The following MORC2 variants were observed in gnomAD, a reference collection of about 807,000 sequenced individuals.
The protein encoded by MORC2 is ATPase MORC2.
A neutral mutation model predicts 136.0 loss-of-function variants in MORC2; 30 were observed. The ratio of observed to expected loss-of-function variants is 0.22; its 90% CI spans 0.17 to 0.30. The LOEUF is 0.30. MORC2 is among the 10% of genes least tolerant of loss of function. The pLI is 1.00. For missense variants in MORC2, 922 were observed against 1,333.1 expected (o/e 0.69, Z 4.80); for synonymous variants, 439 against 487.0 (o/e 0.90, Z 1.30).
At chr22:30,935,213 T>C (rs2040635649) in intron 18 of MORC2, 35 bp downstream of exon 18, 2 of 1,612,230 alleles carry the variant, frequency 1.2e-6, no homozygotes, top group Admixed American at 1.7e-5. Flanking sequence ...ATGAGACACC[T>C]GAGGAAAAGC....
chr22:30,961,425 C>T (rs2041043514), intron 1 of MORC2, among the ~76,000 whole-genome samples: 1 of 152,144 alleles, frequency 6.6e-6, no homozygotes, highest in African/African-American at 2.4e-5. Context: ...TTCAACCAGT[C>T]ATTTTCCTAT....
In MORC2 at chr22:30,935,166, A is replaced by G; in HGVS notation, c.1813-5T>C. ...CTGAGGTCTACGCACAGGTTCCTAA[A>G]AAAAGGCCCACAGAGAGTGAGAACA... On this transcript the variant is annotated splice_polypyrimidine_tract_variant and splice_region_variant and intron_variant, in intron 18 of 25. Coordinates refer to ENST00000397641, the MANE Select transcript of MORC2 (RefSeq NM_001303256.3). The G allele has an allele frequency of 6.2e-7, 1 of 1,611,692 alleles. No homozygotes were observed. Among genetic ancestry groups the G allele is most frequent in the Non-Finnish European group, 8.5e-7 (1 of 1,178,790 alleles).
At chr22:30,964,142 G>A (rs1186758491) in intron 1 of MORC2, among the ~76,000 whole-genome samples, 2 of 152,124 alleles carry the variant, frequency 1.3e-5, no homozygotes, top group African/African-American at 4.8e-5. Flanking sequence ...CGGATGATGA[G>A]GTCAAGAGAT....
At chr22:30,960,779 C>T (rs1232170159) in intron 1 of MORC2, among the ~76,000 whole-genome samples, 3 of 148,878 alleles carry the variant, frequency 2.0e-5, no homozygotes. Context: ...CCATAAGCCG[C>T]CACACCCGGC....
chr22:30,951,974 C>T (rs747967460), intron 3 of MORC2, among the ~76,000 whole-genome samples: 1 of 151,978 alleles, frequency 6.6e-6, no homozygotes, highest in Non-Finnish European at 1.5e-5. Flanking sequence ...TTTTCAAGTA[C>T]CACTCAGTGT....
rs2041164772 is a variant in MORC2, at chr22:30,968,549, T to A, written c.-660A>T. Among the ~76,000 whole-genome samples the A allele has an allele frequency of 2.0e-5, 3 of 152,130 alleles. No homozygotes were observed. The highest frequency in any genetic ancestry group is 2.4e-5 in the African/African-American group (1 of 41,420). On this transcript the variant is annotated 5_prime_UTR_variant, in exon 1 of 26. It adds an upstream start codon to the 5' untranslated region. Coordinates refer to ENST00000397641, the MANE Select transcript of MORC2 (RefSeq NM_001303256.3). ...GGGTGGTGGTCAGATTACCTCACAC[T>A]TGGCCCACATAAACACCTCACAAAT... is the stretch of plus-strand genomic sequence containing the variant.
intron 4 of MORC2, 122 bp from the exon 5 acceptor site, chr22:30,949,964 C>T (rs1369796028): frequency 2.4e-6 from 2 of 818,516 alleles, no homozygotes; most frequent in Non-Finnish European, 3.9e-6. Context: ...AACCTCTCTC[C>T]AAGGAAATTC....
chr22:30,964,570 G>A (rs2041096972), intron 1 of MORC2, among the ~76,000 whole-genome samples: 1 of 152,116 alleles, frequency 6.6e-6, no homozygotes, highest in South Asian at 2.1e-4. Flanking sequence ...TGAAGTAGAA[G>A]TCACAAAACC....
At chr22:30,939,020 T>C (rs1032064633) in intron 12 of MORC2, among the ~76,000 whole-genome samples, 2 of 152,122 alleles carry the variant, frequency 1.3e-5, no homozygotes, top group African/African-American at 4.8e-5. Context: ...CTGAAACCCA[T>C]GCCTGTGCCA....
intron 24 of MORC2, among the ~76,000 whole-genome samples, chr22:30,928,671 G>T (rs970809135): frequency 6.6e-6 from 1 of 152,268 alleles, no homozygotes; most frequent in East Asian, 1.9e-4. Context: ...CAGATCTGTG[G>T]AGTAGTATAT....
intron 24 of MORC2, chr22:30,929,851 G>C (rs777586353): frequency 2.0e-5 from 3 of 152,166 alleles, no homozygotes; most frequent in Non-Finnish European, 2.9e-5. Flanking sequence ...ACAAAAAGAA[G>C]CTAATATACT....
chr22:30,942,017 T>C lies in MORC2; in HGVS notation c.587-15A>G. On this transcript the variant is annotated splice_polypyrimidine_tract_variant and intron_variant, in intron 7 of 25. Coordinates refer to ENST00000397641, the MANE Select transcript of MORC2 (RefSeq NM_001303256.3). ...CACCAATGTTCCTGAGAAACAGAAA[T>C]CTTTTGTCCTGCCAGATCCCCCGGC... 8 of 1,611,606 alleles carry C rather than the reference T, an allele frequency of 5.0e-6. No individual in the cohort carries two copies. The highest frequency in any genetic ancestry group is 6.8e-6 in the Non-Finnish European group (8 of 1,177,722).
chr22:30,933,474 G>A lies in MORC2; in HGVS notation c.2372C>T (p.Ala791Val), dbSNP rs772600152. 3 of 1,613,780 alleles carry A rather than the reference G, an allele frequency of 1.9e-6. No individual in the cohort carries two copies. Among genetic ancestry groups the A allele is most frequent in the South Asian group, 2.2e-5 (2 of 91,044 alleles). Residue 791 changes from alanine to valine, a missense_variant, in exon 21 of 26, where the codon GCT (alanine) becomes GTT (valine). Ala to Val is a moderately conservative substitution (Grantham distance 64). This residue lies in a region of MORC2 where 263 missense variants were observed against 388.3 expected (regional missense o/e 0.68). Coordinates refer to ENST00000397641, the MANE Select transcript of MORC2 (RefSeq NM_001303256.3). The part of the protein sequence containing the change: ...GEEDSADLKR[A>V]QKDKGLHVEV... ...TCACTCCCCCAGCTCACCTTTCTGA[G>A]CTCTCTTGAGGTCAGCCGAGTCCTC... is the stretch of plus-strand genomic sequence containing the variant.
At chr22:30,959,411 G>T (rs1163471267) in intron 1 of MORC2, among the ~76,000 whole-genome samples, 2 of 152,202 alleles carry the variant, frequency 1.3e-5, no homozygotes, top group Non-Finnish European at 2.9e-5. Context: ...GTCATAAAAT[G>T]AGTTATTCTC....
intron 12 of MORC2, among the ~76,000 whole-genome samples, chr22:30,939,091 A>G (rs2040702591): frequency 6.6e-6 from 1 of 152,192 alleles, no homozygotes; most frequent in South Asian, 2.1e-4. Context: ...GGATCCAGAC[A>G]TGGAGGTGGG....
chr22:30,932,270 TA>T lies in MORC2; in HGVS notation c.2841+88del. The T allele has an allele frequency of 1.1e-5, 13 of 1,144,774 alleles. 1 individual carries two copies. The South Asian group carries it at 1.9e-4, about 16-fold the overall frequency. The allele number at this position is 1,144,774 out of a possible 1,614,324, so 70.9% of individuals were successfully genotyped here. A position where few individuals can be genotyped will look rare whatever the true frequency, so the allele number is the denominator to read the frequency against. On this transcript the variant is annotated intron_variant, in intron 24 of 25. Transcript: ENST00000397641. This position sits in a 1 kb window ranked among gnomAD's most constrained non-coding sequence, Gnocchi z 4.4. ...TGAGAGCTAGCAACTGCAACAAGCG[TA>T]ACAATCATAATCACAACAGTTACAA...
At position 30,932,594 on chromosome 22, in the gene MORC2, C is replaced by G; in HGVS notation, c.2698G>C (p.Ala900Pro). Residue 900 changes from alanine (A) to proline (P), a missense_variant, in exon 23 of 26, where the codon GCC (alanine) becomes CCC (proline). Transcript: ENST00000397641. The surrounding 1 kb of genome is among the most constrained non-coding windows in gnomAD (Gnocchi z 4.4). ...ECLRIEPDTT[A>P]LSTNHETIDL... is the part of the protein sequence containing the mutation. Reference sequence around the variant, plus strand: ...ATGGTCTCGTGATTGGTGCTCAGGGCAGTGGTGTCAGGCTCAATGCGGAGG... The same window carrying G: ...ATGGTCTCGTGATTGGTGCTCAGGGGAGTGGTGTCAGGCTCAATGCGGAGG... 2 of 1,614,150 alleles carry G rather than the reference C, an allele frequency of 1.2e-6. No homozygotes were observed. Among genetic ancestry groups the G allele is most frequent in the Non-Finnish European group, 1.7e-6 (2 of 1,180,042 alleles).
At chr22:30,953,646 T>C (rs954901851) in intron 3 of MORC2, among the ~76,000 whole-genome samples, 2 of 152,226 alleles carry the variant, frequency 1.3e-5, no homozygotes, top group Non-Finnish European at 2.9e-5. Context: ...CAATTTTCCA[T>C]GTGTTAATCA....
chr22:30,958,879 A>C, intron 1 of MORC2, 185 bp from the exon 2 acceptor site: 1 of 548,458 alleles, frequency 1.8e-6, no homozygotes, highest in Non-Finnish European at 3.2e-6. Flanking sequence ...ATCTTTAACA[A>C]GTCCTGCCAT....
Sources: allele counts gnomAD v4.1 joint callset (sites outside exome capture counted in the v4.1 genomes callset), GRCh38; gene constraint gnomAD v4.1.1; regional missense constraint gnomAD v4.1.1; non-coding constraint Gnocchi (gnomAD v3.1); transcripts MANE v1.5; gene names NCBI Gene and HGNC (gene_info 2026-07-23, HGNC 2026-07-21).